Variants in CCDC171 observed in about 807,000 individuals in gnomAD.
CCDC171 encodes the protein coiled-coil domain containing 171.
A neutral mutation model predicts 168.2 loss-of-function variants in CCDC171; 177 were observed. That is an observed-to-expected ratio of 1.05 (90% CI 0.93 to 1.19). The LOEUF is 1.19. Among genes scored for constraint, CCDC171 ranks in the 50% most tolerant of loss-of-function variants. The pLI is 0.00. For synonymous variants in CCDC171, 687 were observed against 540.8 expected (o/e 1.27, Z -3.75); for missense variants, 1,991 against 1,539.0 (o/e 1.29, Z -4.91).
chr9:16,095,300 C>G, the CCDC171 span, among the ~76,000 whole-genome samples: 1 of 152,116 alleles, frequency 6.6e-6, no homozygotes, highest in Admixed American at 6.5e-5. Context: ...TTTGCAGAAC[C>G]TACATTCACA....
At chr9:16,068,707 C>T in the CCDC171 span, among the ~76,000 whole-genome samples, 3 of 152,174 alleles carry the variant, frequency 2.0e-5, no homozygotes, top group Non-Finnish European at 2.9e-5. Flanking sequence ...CAACATTGTA[C>T]AGAGATTCCT....
chr9:15,713,777 G>C (rs10810434), intron 11 of CCDC171, among the ~76,000 whole-genome samples: 74,199 of 151,402 alleles, frequency 0.49, 18,605 homozygotes, highest in East Asian at 0.78. Flanking sequence ...TTCATCAGGT[G>C]CATTCAGAAT....
chr9:16,085,091 G>A, the CCDC171 span, among the ~76,000 whole-genome samples: 1 of 152,180 alleles, frequency 6.6e-6, no homozygotes, highest in Non-Finnish European at 1.5e-5. Flanking sequence ...CCTGGGAGGG[G>A]CCCTACTGAA....
chr9:15,783,164 G>A (rs928321726), intron 20 of CCDC171, among the ~76,000 whole-genome samples: 1 of 152,158 alleles, frequency 6.6e-6, no homozygotes, highest in Non-Finnish European at 1.5e-5. Context: ...GAGTGCTTAT[G>A]TATTATGATA....
the CCDC171 span, among the ~76,000 whole-genome samples, chr9:16,072,199 A>G: frequency 1.3e-5 from 2 of 152,230 alleles, no homozygotes; most frequent in African/African-American, 4.8e-5. Flanking sequence ...ACTTCCAGTC[A>G]CCACCCAAGA....
chr9:16,056,014 G>A (rs950929027), intron 1 of CCDC171, among the ~76,000 whole-genome samples: 2 of 152,184 alleles, frequency 1.3e-5, no homozygotes, highest in Non-Finnish European at 2.9e-5. Context: ...CAACAACATG[G>A]AAGAATGCTT....
At chr9:15,866,865 C>G (rs2061811016) in intron 23 of CCDC171, among the ~76,000 whole-genome samples, 2 of 152,004 alleles carry the variant, frequency 1.3e-5, no homozygotes, top group African/African-American at 4.8e-5. Context: ...ATCACTGTGC[C>G]TGGTACCCAG....
the CCDC171 span, among the ~76,000 whole-genome samples, chr9:16,087,056 A>G: frequency 1.3e-5 from 2 of 152,174 alleles, no homozygotes; most frequent in Non-Finnish European, 2.9e-5. Context: ...GAGTTTCTTC[A>G]TCCTGAGTTC....
At chr9:15,655,604 A>C (rs2047869530) in intron 7 of CCDC171, among the ~76,000 whole-genome samples, 1 of 152,224 alleles carries the variant, frequency 6.6e-6, no homozygotes, top group Non-Finnish European at 1.5e-5. Flanking sequence ...TGATACTGTT[A>C]AGAGAAGGAG....
At chr9:15,754,239 A>C (rs2055948951) in intron 18 of CCDC171, among the ~76,000 whole-genome samples, 1 of 152,184 alleles carries the variant, frequency 6.6e-6, no homozygotes, top group Non-Finnish European at 1.5e-5. Context: ...AGAGAGCATT[A>C]GCTTTAAACA....
the CCDC171 span, among the ~76,000 whole-genome samples, chr9:16,080,584 A>T: frequency 6.6e-6 from 1 of 152,212 alleles, no homozygotes; most frequent in Admixed American, 6.5e-5. Context: ...GTGATGCAGC[A>T]AGTCAAAAAT....
intron 21 of CCDC171, among the ~76,000 whole-genome samples, chr9:15,817,004 A>G (rs1672962108): frequency 8.5e-6 from 1 of 118,098 alleles, no homozygotes; most frequent in Non-Finnish European, 1.9e-5. Context: ...AAGAAGTTTT[A>G]TAGTTATGTG....
chr9:15,621,119 A>G (rs1341178929), intron 6 of CCDC171, among the ~76,000 whole-genome samples: 1 of 152,050 alleles, frequency 6.6e-6, no homozygotes, highest in Non-Finnish European at 1.5e-5. Context: ...GATGTGCGCC[A>G]CCACATCTGG....
At chr9:15,856,045 C>T (rs1438621086) in intron 23 of CCDC171, among the ~76,000 whole-genome samples, 1 of 151,846 alleles carries the variant, frequency 6.6e-6, no homozygotes, top group Non-Finnish European at 1.5e-5. Context: ...GAGTTACTGT[C>T]TAGTATCCTT....
chr9:15,631,196 A>G (rs1308422419), intron 7 of CCDC171, among the ~76,000 whole-genome samples: 1 of 152,110 alleles, frequency 6.6e-6, no homozygotes, highest in African/African-American at 2.4e-5. Context: ...GGAAATAGAA[A>G]CACAAAAAAC....
chr9:15,832,627 A>G (rs1292670039), intron 21 of CCDC171, among the ~76,000 whole-genome samples: 5 of 152,202 alleles, frequency 3.3e-5, no homozygotes, highest in Admixed American at 3.3e-4. Context: ...GGCACTTACC[A>G]TGAATGGGGC....
intron 25 of CCDC171, among the ~76,000 whole-genome samples, chr9:15,966,588 A>T (rs1830809848): frequency 6.6e-6 from 1 of 152,126 alleles, no homozygotes; most frequent in South Asian, 2.1e-4. Flanking sequence ...TTGTTAATAT[A>T]TTCTACCTCT....
At position 15,893,301 on chromosome 9, in the gene CCDC171, T is replaced by C. The variant is rs565291874; in HGVS notation, c.3600+18638T>C. Among the ~76,000 whole-genome samples the C allele has an allele frequency of 2.0e-5, 3 of 152,256 alleles. No individual in the cohort carries two copies. In the East Asian group the frequency reaches 5.8e-4, roughly 29 times the overall value. On this transcript the variant is annotated intron_variant, in intron 24 of 25. Transcript: ENST00000380701. Reference sequence around the variant, plus strand: ...AATTAACTCAAGATGGATTAAAGACTTAAATGTAAAACCCAAAACTATAAA... The same window carrying C: ...AATTAACTCAAGATGGATTAAAGACCTAAATGTAAAACCCAAAACTATAAA...
chr9:15,647,452 T>C (rs1302604524), intron 7 of CCDC171, among the ~76,000 whole-genome samples: 6 of 151,854 alleles, frequency 4.0e-5, no homozygotes, highest in Non-Finnish European at 7.4e-5. Context: ...ATCAATGAAT[T>C]TAGCAGCTGG....
Sources: allele counts gnomAD v4.1 joint callset (sites outside exome capture counted in the v4.1 genomes callset), GRCh38; gene constraint gnomAD v4.1.1; transcripts MANE v1.5; gene names NCBI Gene and HGNC (gene_info 2026-07-23, HGNC 2026-07-21).